The following PTPRK variants were observed in gnomAD, a reference collection of about 807,000 sequenced individuals.
PTPRK encodes receptor-type tyrosine-protein phosphatase kappa.
A neutral mutation model predicts 178.0 loss-of-function variants in PTPRK; 75 were observed. The observed-to-expected ratio is 0.42, with a 90% CI of 0.35 to 0.51. The LOEUF is 0.51. Among genes scored for constraint, PTPRK ranks in the 20% least tolerant of loss-of-function variants. The pLI, the probability that PTPRK is intolerant of heterozygous loss-of-function variation, is 0.02. For synonymous variants in PTPRK, 637 were observed against 620.6 expected (o/e 1.03, Z -0.39); for missense variants, 1,441 against 1,797.8 (o/e 0.80, Z 3.59).
intron 5 of PTPRK, chr6:128,238,158 A>G (rs1813662155): frequency 2.3e-6 from 1 of 438,832 alleles, no homozygotes; most frequent in Non-Finnish European, 4.5e-6. Flanking sequence ...AGAGAAATAC[A>G]TAAATTCACC....
chr6:128,210,434 G>C (rs1237699333), intron 6 of PTPRK, among the ~76,000 whole-genome samples: 25 of 126,782 alleles, frequency 2.0e-4, no homozygotes, highest in African/African-American at 7.3e-4. Context: ...ATTGCCATTT[G>C]GCCTTTAGGT....
At chr6:128,067,421 C>CTT in intron 12 of PTPRK, 98 bp downstream of exon 12, 244 of 1,044,426 alleles carry the variant, frequency 2.3e-4, no homozygotes, top group South Asian at 6.0e-4. Flanking sequence ...TTTTCTTTTT[C>CTT]TTTTTTTTTT....
intron 2 of PTPRK, among the ~76,000 whole-genome samples, chr6:128,386,220 C>T (rs1305141249): frequency 6.6e-6 from 1 of 152,032 alleles, no homozygotes; most frequent in African/African-American, 2.4e-5. Context: ...AACTAAGAAT[C>T]GGCCTTTTCT....
chr6:128,461,071 C>CT (rs1185803632), intron 1 of PTPRK, among the ~76,000 whole-genome samples: 3 of 152,082 alleles, frequency 2.0e-5, no homozygotes, highest in Non-Finnish European at 4.4e-5. Flanking sequence ...TTACATTCAT[C>CT]TTTTTTCATT....
At chr6:128,001,047 T>A (rs1475400256) in intron 15 of PTPRK, 1 of 533,454 alleles carries the variant, frequency 1.9e-6, no homozygotes, top group Non-Finnish European at 3.2e-6. Flanking sequence ...TTAATCTCAA[T>A]ACATTTCCAC....
chr6:128,064,901 T>A (rs1321494294), intron 12 of PTPRK, 107 bp from the exon 13 acceptor site: 1 of 1,220,076 alleles, frequency 8.2e-7, no homozygotes, highest in East Asian at 2.9e-5. Flanking sequence ...AAAAAGGGAT[T>A]ATAAACAACA....
intron 7 of PTPRK, among the ~76,000 whole-genome samples, chr6:128,157,328 T>C (rs977627704): frequency 9.9e-5 from 15 of 152,054 alleles, no homozygotes; most frequent in African/African-American, 2.4e-5. Flanking sequence ...CTCAGGATTA[T>C]CTCATTTCTT....
chr6:128,397,382 G>A (rs1840454812), intron 2 of PTPRK, among the ~76,000 whole-genome samples, 184 bp downstream of exon 2: 1 of 151,120 alleles, frequency 6.6e-6, no homozygotes, highest in Admixed American at 6.6e-5. Context: ...AAGACAACAA[G>A]GAATACAGAA....
At chr6:128,057,316 C>T (rs966643343) in intron 13 of PTPRK, among the ~76,000 whole-genome samples, 4 of 152,152 alleles carry the variant, frequency 2.6e-5, no homozygotes, top group Non-Finnish European at 5.9e-5. Context: ...TTGGAAAGGG[C>T]GGCTTGCAAA....
chr6:128,386,538 G>A (rs1184298039), intron 2 of PTPRK, among the ~76,000 whole-genome samples: 2 of 152,190 alleles, frequency 1.3e-5, no homozygotes, highest in African/African-American at 4.8e-5. Flanking sequence ...ACTCCTAATG[G>A]AGATGGTTAT....
At chr6:128,077,253 T>C (rs888602635) in intron 11 of PTPRK, among the ~76,000 whole-genome samples, 2 of 152,020 alleles carry the variant, frequency 1.3e-5, no homozygotes, top group African/African-American at 4.8e-5. Context: ...ATTTTCTCTT[T>C]CTACTTTGGA....
At chr6:128,166,215 T>C (rs1393812337) in intron 7 of PTPRK, among the ~76,000 whole-genome samples, 1 of 151,712 alleles carries the variant, frequency 6.6e-6, no homozygotes, top group Non-Finnish European at 1.5e-5. Flanking sequence ...AGGCTCCACT[T>C]TATCCTTGAA....
intron 1 of PTPRK, among the ~76,000 whole-genome samples, chr6:128,450,521 A>T (rs1847653142): frequency 1.3e-5 from 2 of 152,292 alleles, no homozygotes; most frequent in East Asian, 3.9e-4. Context: ...CGGATACTCA[A>T]AGTGAGTGTT....
chr6:128,085,993 T>C (rs1785741336), intron 8 of PTPRK, among the ~76,000 whole-genome samples: 1 of 152,232 alleles, frequency 6.6e-6, no homozygotes, highest in Non-Finnish European at 1.5e-5. Flanking sequence ...AATGTCTCTC[T>C]GTACCTATGA....
chr6:128,390,212 AT>A (rs975026111), intron 2 of PTPRK, among the ~76,000 whole-genome samples: 15 of 152,088 alleles, frequency 9.9e-5, no homozygotes, highest in African/African-American at 3.6e-4. Context: ...TTCGTCCATG[AT>A]TTTTTCTTTT....
chr6:128,089,550 TCCAAAG>T, intron 8 of PTPRK, 134 bp downstream of exon 8: 1 of 933,478 alleles, frequency 1.1e-6, no homozygotes, highest in South Asian at 1.8e-5. Context: ...GCAATTTTTT[TCCAAAG>T]TTAATCTCAT....
At chr6:128,029,360 T>A (rs1774884698) in intron 13 of PTPRK, among the ~76,000 whole-genome samples, 1 of 152,016 alleles carries the variant, frequency 6.6e-6, no homozygotes, top group Non-Finnish European at 1.5e-5. Context: ...CTTCTCTTTA[T>A]AAACTACCCA....
chr6:128,222,841 T>C (rs1810655338), intron 5 of PTPRK, among the ~76,000 whole-genome samples: 2 of 152,210 alleles, frequency 1.3e-5, no homozygotes, highest in African/African-American at 4.8e-5. Context: ...TTATGAAAAA[T>C]GTCTGTGTTA....
intron 7 of PTPRK, among the ~76,000 whole-genome samples, chr6:128,170,183 C>T (rs954474161): frequency 6.6e-6 from 1 of 151,940 alleles, no homozygotes; most frequent in African/African-American, 2.4e-5. Flanking sequence ...CAGACCAAGG[C>T]AGATCCTGAA....
Sources: allele counts gnomAD v4.1 joint callset (sites outside exome capture counted in the v4.1 genomes callset), GRCh38; gene constraint gnomAD v4.1.1; transcripts MANE v1.5; gene names NCBI Gene and HGNC (gene_info 2026-07-23, HGNC 2026-07-21).